Variants in HNRNPK observed in about 807,000 individuals in gnomAD.
HNRNPK encodes dC-stretch binding protein.
Under a neutral mutation model 67.0 loss-of-function variants are expected in HNRNPK, and 7 were observed. That is an observed-to-expected ratio of 0.10 (90% confidence interval 0.06 to 0.20). The LOEUF is 0.20. HNRNPK is among the 10% of genes least tolerant of loss of function. HNRNPK has a pLI of 1.00. For synonymous variants in HNRNPK, 213 were observed against 193.7 expected, an observed-to-expected ratio of 1.10 and a Z score of -0.83; for missense variants, 264 against 606.5, an observed-to-expected ratio of 0.44 and a Z score of 5.93.
intron 13 of HNRNPK, 126 bp downstream of exon 13, chr9:83,971,147 G>A: frequency 1.2e-6 from 1 of 835,872 alleles, no homozygotes; most frequent in Non-Finnish European, 2.0e-6. Flanking sequence ...TCCCTCTTCA[G>A]GAAACCAAAG....
chr9:83,978,671 G>A (rs1321612269), intron 1 of HNRNPK, among the ~76,000 whole-genome samples: 2 of 152,134 alleles, frequency 1.3e-5, no homozygotes, highest in Admixed American at 6.5e-5. Flanking sequence ...ATAACTTTTA[G>A]CCACTGGATT....
rs569520360 is a variant in HNRNPK, at chr9:83,969,029, T to C, written c.*378A>G. The C allele has an allele frequency of 5.4e-6, 2 of 369,772 alleles. No individual in the cohort carries two copies. The highest frequency in any genetic ancestry group is 9.8e-6 in the Non-Finnish European group (2 of 204,270). 22.9% of individuals were successfully genotyped at this position (369,772 alleles called of 1,614,324 possible). On this transcript the variant is annotated 3_prime_UTR_variant, in exon 17 of 17. Coordinates refer to ENST00000376263, the MANE Select transcript of HNRNPK (RefSeq NM_031263.4). ...GGACTATTGTTACTTTTCCTCCCTG[T>C]CCCACCCCCCAAATGTTACAGTGAC...
chr9:83,978,055 A>C, intron 3 of HNRNPK, 140 bp downstream of exon 3: 1 of 635,900 alleles, frequency 1.6e-6, no homozygotes, highest in East Asian at 2.8e-5. Flanking sequence ...AAAAGCTAAG[A>C]TGTAACTACT....
chr9:83,979,293 T>C (rs1957239792), intron 1 of HNRNPK, among the ~76,000 whole-genome samples: 1 of 152,172 alleles, frequency 6.6e-6, no homozygotes, highest in Non-Finnish European at 1.5e-5. Context: ...CTTATTGCTC[T>C]CCTAACGACA....
chr9:83,977,615 T>C (rs1388618433), intron 4 of HNRNPK, 74 bp downstream of exon 4: 2 of 855,198 alleles, frequency 2.3e-6, no homozygotes, highest in Non-Finnish European at 3.7e-6. Flanking sequence ...TTTGACTTTC[T>C]AGAAAGCCAA....
intron 4 of HNRNPK, 138 bp from the exon 5 acceptor site, chr9:83,977,189 C>T (rs1012774805): frequency 3.1e-6 from 2 of 645,328 alleles, no homozygotes; most frequent in South Asian, 2.0e-5. Flanking sequence ...GTAAAAACGA[C>T]CAGGCCAAAA....
At chr9:83,971,517 T>C (rs1006460187) in intron 12 of HNRNPK, among the ~76,000 whole-genome samples, 155 bp downstream of exon 12, 1 of 152,204 alleles carries the variant, frequency 6.6e-6, no homozygotes, top group Admixed American at 6.5e-5. Flanking sequence ...GTCGTAATCC[T>C]CCAGCAGCAA....
intron 16 of HNRNPK, chr9:83,969,646 G>C (rs775809030): frequency 1.1e-5 from 7 of 616,030 alleles, no homozygotes; most frequent in Admixed American, 3.0e-5. Flanking sequence ...TAGTAGAACA[G>C]AATTAAGAAA....
chr9:83,973,185 T>C, intron 9 of HNRNPK, 101 bp downstream of exon 9: 1 of 810,822 alleles, frequency 1.2e-6, no homozygotes, highest in South Asian at 1.5e-5. Flanking sequence ...AAGCAATCTT[T>C]GGAGGGAACT....
intron 5 of HNRNPK, chr9:83,976,739 T>C: frequency 2.9e-6 from 1 of 341,698 alleles, no homozygotes; most frequent in Non-Finnish European, 5.3e-6. Flanking sequence ...GTTATCTTGC[T>C]TGATGAAGTG....
chr9:83,970,130 A>G (rs2133014157), intron 16 of HNRNPK, 32 bp downstream of exon 16: 2 of 1,570,790 alleles, frequency 1.3e-6, no homozygotes, highest in Non-Finnish European at 1.7e-6. Flanking sequence ...TTTAGTATGT[A>G]TAAGCTAACA....
rs1554700319 is a variant in HNRNPK at position 83,974,593 on chromosome 9, T to C, written c.258-4A>G. On this transcript the variant is annotated splice_region_variant and splice_polypyrimidine_tract_variant and intron_variant, in intron 6 of 16. Coordinates refer to ENST00000376263, the MANE Select transcript of HNRNPK (RefSeq NM_031263.4). Reference sequence around the variant, plus strand: ...ATCAGCACTGATACTCAATATGCTGTCAAACACCACAAATACCAGATAGTA... The same window carrying C: ...ATCAGCACTGATACTCAATATGCTGCCAAACACCACAAATACCAGATAGTA... 1 of 1,594,860 alleles carries C rather than the reference T, an allele frequency of 6.3e-7. No homozygotes were observed. Among genetic ancestry groups the C allele is most frequent in the Non-Finnish European group, 8.6e-7 (1 of 1,166,326 alleles).
intron 6 of HNRNPK, 160 bp from the exon 7 acceptor site, chr9:83,974,749 T>C (rs1270835098): frequency 3.4e-6 from 2 of 593,672 alleles, no homozygotes; most frequent in Admixed American, 3.0e-5. Flanking sequence ...CTCACATGCA[T>C]TTTGTTTTAT....
intron 1 of HNRNPK, 33 bp from the exon 2 acceptor site, chr9:83,978,485 T>G: frequency 1.5e-6 from 1 of 686,476 alleles, no homozygotes; most frequent in Non-Finnish European, 2.1e-6. Context: ...GTTTTGCTTT[T>G]GTTTATTCTT....
Position 83,973,941 on chromosome 9 carries a change from G to A in HNRNPK, c.363C>T (p.Ser121=). 6.2e-7 allele frequency: 1 copy of A among 1,613,742 alleles called. No homozygotes were observed. Among genetic ancestry groups the A allele is most frequent in the Non-Finnish European group, 8.5e-7 (1 of 1,179,758 alleles). Residue 121 remains serine, a synonymous_variant, in exon 8 of 17, where the codon AGC becomes AGT. Coordinates refer to ENST00000376263, the MANE Select transcript of HNRNPK (RefSeq NM_031263.4). ...CAGCATCAGATTCGAGCGGGAGCTG[G>A]CTGGTTGCAGTGGGTGATGGCAACT... ...GLQLPSPTAT[S]QLPLESDAVE... is the part of the protein sequence containing the mutation.
chr9:83,977,640 TCTAC>T lies in HNRNPK; in HGVS notation c.156+45_156+48del, dbSNP rs1403786089. On this transcript the variant is annotated intron_variant, in intron 4 of 16. Coordinates refer to ENST00000376263, the MANE Select transcript of HNRNPK (RefSeq NM_031263.4). ...TAGAAAGCCAAACCAGACCTTAATT[TCTAC>T]CTGAGTATGAACCACCTTCAAATTT... 7 of 1,103,522 alleles carry T rather than the reference TCTAC, an allele frequency of 6.3e-6. No individual in the cohort carries two copies. In the East Asian group the frequency reaches 9.5e-5, roughly 15 times the overall value. The allele number at this position is 1,103,522 out of a possible 1,614,324, so 68.4% of individuals were successfully genotyped here. A position where few individuals can be genotyped will look rare whatever the true frequency, so the allele number is the denominator to read the frequency against.
intron 12 of HNRNPK, 126 bp downstream of exon 12, chr9:83,971,546 T>C (rs1956842590): frequency 1.2e-6 from 1 of 854,502 alleles, no homozygotes; most frequent in Non-Finnish European, 1.9e-6. Flanking sequence ...ATTATTTAAC[T>C]AGTAATCCAA....
In HNRNPK at chr9:83,972,905, A is replaced by G; in HGVS notation, c.584T>C (p.Ile195Thr). The G allele has an allele frequency of 6.2e-7, 1 of 1,610,448 alleles. No homozygotes were observed. Among genetic ancestry groups the G allele is most frequent in the Non-Finnish European group, 8.5e-7 (1 of 1,177,816 alleles). The change falls in exon 10 of 17, where the codon ATT becomes ACT. Residue 195 changes from isoleucine to threonine, a missense_variant. Around this residue, in one of 6 missense-constraint regions of HNRNPK, gnomAD observed 18 missense variants for 84.5 expected, o/e 0.21. Transcript: ENST00000376263. ...CPHSTDRVVL[I>T]GGKPDRVVEC... is the part of the protein sequence containing the mutation. The stretch of plus-strand genomic sequence containing the variant: ...TACAACCCTATCGGGTTTTCCTCCA[A>G]TAAGAACAACTCTGTCAGTGGAATG...
At chr9:83,973,091 A>T in intron 9 of HNRNPK, 119 bp from the exon 10 acceptor site, 3 of 796,924 alleles carry the variant, frequency 3.8e-6, no homozygotes. Context: ...AACTTCATTA[A>T]TTATCACAGG....
Sources: allele counts gnomAD v4.1 joint callset (sites outside exome capture counted in the v4.1 genomes callset), GRCh38; gene constraint gnomAD v4.1.1; regional missense constraint gnomAD v4.1.1; transcripts MANE v1.5; gene names NCBI Gene and HGNC (gene_info 2026-07-23, HGNC 2026-07-21).